EZR: variants seen among roughly 807,000 people sequenced by gnomAD.
EZR encodes the protein ezrin.
EZR carries 40 observed loss-of-function variants against 74.8 expected under a neutral mutation model. The observed-to-expected ratio is 0.53, with a 90% CI of 0.42 to 0.70. The LOEUF (loss-of-function observed/expected upper bound fraction) is 0.70. Among genes scored for constraint, EZR ranks in the 30% least tolerant of loss-of-function variants. The probability of loss-of-function intolerance (pLI) is 0.00; values close to 1 mark genes in which losing one functional copy is unlikely to be tolerated. For synonymous variants in EZR, 341 were observed against 283.3 expected, an observed-to-expected ratio of 1.20 and a Z score of -2.05; for missense variants, 678 against 755.8, an observed-to-expected ratio of 0.90 and a Z score of 1.21.
intron 2 of EZR, among the ~76,000 whole-genome samples, chr6:158,797,643 T>C (rs757905371): frequency 6.6e-5 from 10 of 152,218 alleles, no homozygotes; most frequent in African/African-American, 1.2e-4. Context: ...AATGCTCTGA[T>C]AGAAAGTAGA....
intron 2 of EZR, among the ~76,000 whole-genome samples, chr6:158,812,607 G>A (rs984345441): frequency 3.3e-5 from 5 of 152,186 alleles, no homozygotes; most frequent in South Asian, 2.1e-4. Context: ...TAAAAATAAC[G>A]TAGTTTAAGG....
intron 2 of EZR, among the ~76,000 whole-genome samples, chr6:158,803,653 AC>A (rs1445403346): frequency 1.6e-5 from 1 of 62,104 alleles, no homozygotes; most frequent in African/African-American, 5.0e-5. Flanking sequence ...ATATATATAT[AC>A]ATATATATAT....
chr6:158,811,471 T>A (rs565315888), intron 2 of EZR, among the ~76,000 whole-genome samples: 4 of 152,320 alleles, frequency 2.6e-5, no homozygotes, highest in South Asian at 2.1e-4. Flanking sequence ...CAAAGAGATA[T>A]AAAAGTTTAA....
In EZR at chr6:158,785,414, G is replaced by C. The variant is rs1243471719; in HGVS notation, c.362C>G (p.Thr121Ser). The change falls in exon 5 of 14, where the codon ACT (threonine) becomes AGT (serine). Residue 121 changes from threonine (T) to serine (S), a missense_variant. Thr to Ser is a moderately conservative substitution (Grantham distance 58, BLOSUM62 1). This residue lies in a region of EZR where 217 missense variants were observed against 232.2 expected (regional missense o/e 0.93). Coordinates refer to ENST00000367075, the MANE Select transcript of EZR (RefSeq NM_001111077.2). ...LSDEIYCPPE[T>S]AVLLGSYAVQ... ...AGCGTAGGACCCCAAGAGCACGGCA[G>C]TCTCAGGGGGGCAGTAGATCTCATC... 2 of 1,614,228 alleles carry C rather than the reference G, an allele frequency of 1.2e-6. No homozygotes were observed. Among genetic ancestry groups the C allele is most frequent in the Admixed American group, 3.3e-5 (2 of 60,032 alleles).
intron 1 of EZR, 44 bp from the exon 2 acceptor site, chr6:158,818,210 T>C: frequency 5.3e-6 from 6 of 1,131,450 alleles, no homozygotes; most frequent in Non-Finnish European, 7.4e-6. Flanking sequence ...CCGCCCTGCC[T>C]CGTCCTCCTG....
intron 8 of EZR, among the ~76,000 whole-genome samples, chr6:158,771,881 TCTG>T (rs2128566500): frequency 6.6e-6 from 1 of 152,264 alleles, no homozygotes; most frequent in South Asian, 2.1e-4. Context: ...CTGGACTGCC[TCTG>T]CTGCTATTTG....
Position 158,770,747 on chromosome 6 carries a change from G to T in EZR, c.1090+17C>A. On this transcript the variant is annotated intron_variant, in intron 10 of 13. Transcript: ENST00000367075. ...ATGCATGACCCAGTGTAGAGTGCCA[G>T]CCCCAGGGCGCCTGACCTCTCTCTG... 6.2e-7 allele frequency: 1 copy of T among 1,614,050 alleles called. No individual in the cohort carries two copies. Among genetic ancestry groups the T allele is most frequent in the Non-Finnish European group, 8.5e-7 (1 of 1,179,992 alleles).
intron 2 of EZR, among the ~76,000 whole-genome samples, chr6:158,800,625 A>C (rs1300493454): frequency 6.6e-6 from 1 of 152,108 alleles, no homozygotes; most frequent in African/African-American, 2.4e-5. Flanking sequence ...ACATGGCGAA[A>C]CCCCATCTCC....
At chr6:158,785,282 G>A in intron 5 of EZR, 27 bp downstream of exon 5, 2 of 1,608,658 alleles carry the variant, frequency 1.2e-6, no homozygotes, top group African/African-American at 1.3e-5. Context: ...GACTGCTCCT[G>A]CCCAGGCCGG....
chr6:158,789,022 T>A (rs944868162), intron 3 of EZR, among the ~76,000 whole-genome samples: 1 of 152,236 alleles, frequency 6.6e-6, no homozygotes, highest in Non-Finnish European at 1.5e-5. Context: ...TTTGCTTCCA[T>A]GCCTGGTAAC....
At chr6:158,769,049 C>A (rs187279468) in intron 12 of EZR, among the ~76,000 whole-genome samples, 1 of 152,324 alleles carries the variant, frequency 6.6e-6, no homozygotes, top group East Asian at 1.9e-4. Context: ...GTGGAGGGAG[C>A]AAAGTGGGTG....
chr6:158,791,959 C>T (rs1412721661), intron 2 of EZR, among the ~76,000 whole-genome samples: 2 of 151,968 alleles, frequency 1.3e-5, no homozygotes, highest in South Asian at 4.2e-4. Context: ...CTGCCTGCCT[C>T]GGCCTCCCAA....
intron 2 of EZR, among the ~76,000 whole-genome samples, chr6:158,801,741 A>G (rs997194799): frequency 1.3e-5 from 2 of 152,332 alleles, no homozygotes; most frequent in East Asian, 3.9e-4. Context: ...AGCACTCCCC[A>G]CAGGGGTCAA....
intron 2 of EZR, among the ~76,000 whole-genome samples, chr6:158,812,286 T>C (rs1777465718): frequency 6.6e-6 from 1 of 152,172 alleles, no homozygotes; most frequent in South Asian, 2.1e-4. Flanking sequence ...TTCACCCAAA[T>C]GGGTGCTCTG....
chr6:158,769,502 C>T (rs2128564372), intron 11 of EZR, 84 bp from the exon 12 acceptor site: 1 of 1,383,366 alleles, frequency 7.2e-7, no homozygotes. Flanking sequence ...TGTGTGTTGG[C>T]AAGCAGTCTC....
chr6:158,784,930 A>G (rs1791530989), intron 5 of EZR, among the ~76,000 whole-genome samples: 1 of 152,246 alleles, frequency 6.6e-6, no homozygotes. Context: ...ACAAGAACTC[A>G]GTTCTGCTGG....
chr6:158,818,948 C>T (rs1159423804), intron 1 of EZR, among the ~76,000 whole-genome samples: 4 of 152,100 alleles, frequency 2.6e-5, no homozygotes, highest in African/African-American at 9.7e-5. Context: ...CGTGAGAAGC[C>T]GAGCACTCGG....
At chr6:158,789,069 G>A (rs1791662049) in intron 3 of EZR, among the ~76,000 whole-genome samples, 1 of 152,208 alleles carries the variant, frequency 6.6e-6, no homozygotes, top group African/African-American at 2.4e-5. Flanking sequence ...ACAGACAGCT[G>A]TGTGCTTTCA....
In EZR at chr6:158,769,438, C is replaced by T. The variant is rs1791025861; in HGVS notation, c.1252-20G>A. The T allele has an allele frequency of 1.3e-6, 2 of 1,599,914 alleles. No individual in the cohort carries two copies. The highest frequency in any genetic ancestry group is 1.7e-6 in the Non-Finnish European group (2 of 1,177,744). ...CGCAGCCTGGGAAGGGAATGCCAAG[C>T]TCACGTCAGTTCTGATATCCTTTCA... On this transcript the variant is annotated intron_variant, in intron 11 of 13. Transcript: ENST00000367075.
Sources: allele counts gnomAD v4.1 joint callset (sites outside exome capture counted in the v4.1 genomes callset), GRCh38; gene constraint gnomAD v4.1.1; regional missense constraint gnomAD v4.1.1; transcripts MANE v1.5; gene names NCBI Gene and HGNC (gene_info 2026-07-23, HGNC 2026-07-21).